The following PIAS2 variants were observed in gnomAD, a reference collection of about 807,000 sequenced individuals.
PIAS2 encodes the protein protein inhibitor of activated STAT 2.
A neutral mutation model predicts 69.7 loss-of-function variants in PIAS2; 19 were observed. The ratio of observed to expected loss-of-function variants is 0.27; its 90% CI spans 0.19 to 0.40. The LOEUF (loss-of-function observed/expected upper bound fraction) is 0.40. Ranked by LOEUF, PIAS2 falls within the 10% of genes least tolerant of loss-of-function variation. The pLI is 1.00. For missense variants in PIAS2, 624 were observed against 757.0 expected (o/e 0.82, Z 2.06); for synonymous variants, 261 against 263.2 (o/e 0.99, Z 0.08).
At chr18:46,885,348 C>G (rs1256795135) in intron 2 of PIAS2, among the ~76,000 whole-genome samples, 1 of 151,856 alleles carries the variant, frequency 6.6e-6, no homozygotes, top group East Asian at 1.9e-4. Flanking sequence ...GAAACCCCGT[C>G]TCTATTAAAA....
intron 3 of PIAS2, among the ~76,000 whole-genome samples, chr18:46,863,413 C>T (rs765378258): frequency 2.6e-5 from 4 of 152,072 alleles, no homozygotes; most frequent in Non-Finnish European, 5.9e-5. Context: ...CAGCCTCGAC[C>T]TCCCAGGCTC....
At chr18:46,849,185 T>C (rs1017676313) in intron 5 of PIAS2, among the ~76,000 whole-genome samples, 1 of 152,194 alleles carries the variant, frequency 6.6e-6, no homozygotes, top group African/African-American at 2.4e-5. Flanking sequence ...GTAACACTCA[T>C]GTAAGAATGA....
intron 2 of PIAS2, among the ~76,000 whole-genome samples, chr18:46,876,058 C>T (rs911377825): frequency 1.3e-5 from 2 of 152,156 alleles, no homozygotes; most frequent in South Asian, 2.1e-4. Flanking sequence ...TAAGCCATTC[C>T]GAGAGCTGAC....
At chr18:46,826,674 T>C (rs1438452617) in intron 11 of PIAS2, 1 of 152,196 alleles carries the variant, frequency 6.6e-6, no homozygotes, top group Non-Finnish European at 1.5e-5. Flanking sequence ...GAGCAATAAA[T>C]GATTGGCACA....
chr18:46,857,083 A>G (rs547844729), intron 3 of PIAS2, among the ~76,000 whole-genome samples: 1 of 152,382 alleles, frequency 6.6e-6, no homozygotes, highest in South Asian at 2.1e-4. Context: ...TGTGCTCAAC[A>G]CATGGGAGCA....
chr18:46,890,630 T>G lies in PIAS2; in HGVS notation c.449A>C (p.Asn150Thr). The G allele has an allele frequency of 6.2e-7, 1 of 1,614,106 alleles. No homozygotes were observed. Among genetic ancestry groups the G allele is most frequent in the South Asian group, 1.1e-5 (1 of 91,080 alleles). ...PPVHPDVQLK[N>T]LPFYDVLDVL... ...ATCAAGGACATCATAAAAGGGCAGA[T>G]TTTTTAACTGCACATCAGGATGGAC... Residue 150 changes from asparagine to threonine, a missense_variant, in exon 2 of 14, where the codon AAT (asparagine) becomes ACT (threonine). By Grantham distance (65) the Asn-to-Thr change is moderately conservative. Around this residue, in one of 3 missense-constraint regions of PIAS2, gnomAD observed 339 missense variants for 408.8 expected, o/e 0.83. Coordinates refer to ENST00000585916, the MANE Select transcript of PIAS2 (RefSeq NM_004671.5).
chr18:46,870,092 C>T (rs2050096280), intron 2 of PIAS2, among the ~76,000 whole-genome samples: 2 of 152,118 alleles, frequency 1.3e-5, no homozygotes, highest in South Asian at 4.1e-4. Flanking sequence ...TCAATGCCTG[C>T]CCCAATGCCC....
chr18:46,857,383 A>G (rs2047998723), intron 3 of PIAS2, among the ~76,000 whole-genome samples: 1 of 152,262 alleles, frequency 6.6e-6, no homozygotes, highest in African/African-American at 2.4e-5. Context: ...TATAAAAAGT[A>G]AGTGCTACAG....
At chr18:46,817,675 A>G (rs2041704574) in intron 12 of PIAS2, 1 of 961,536 alleles carries the variant, frequency 1.0e-6, no homozygotes, top group Non-Finnish European at 1.2e-6. Flanking sequence ...GGAATTCTAG[A>G]TTGTTTACCA....
At chr18:46,917,195 G>C (rs2058064328) in intron 1 of PIAS2, 127 bp downstream of exon 1, 1 of 1,249,146 alleles carries the variant, frequency 8.0e-7, no homozygotes, top group East Asian at 3.7e-5. Context: ...TTCGTCCGCG[G>C]GCCGGGGCTC....
intron 9 of PIAS2, among the ~76,000 whole-genome samples, chr18:46,833,398 GA>G (rs1442933837): frequency 6.6e-6 from 1 of 152,122 alleles, no homozygotes; most frequent in Non-Finnish European, 1.5e-5. Context: ...GGGAGAGATT[GA>G]AAACATACAT....
chr18:46,907,244 C>T (rs938481016), intron 1 of PIAS2, among the ~76,000 whole-genome samples: 5 of 152,138 alleles, frequency 3.3e-5, no homozygotes, highest in Admixed American at 6.6e-5. Context: ...AGACAGATGT[C>T]CCAATATAAA....
intron 1 of PIAS2, among the ~76,000 whole-genome samples, chr18:46,916,304 T>A (rs1174948662): frequency 1.3e-5 from 2 of 151,942 alleles, no homozygotes; most frequent in Non-Finnish European, 2.9e-5. Context: ...GGATTCCTCT[T>A]CCTTATTTGA....
At chr18:46,867,133 G>C (rs2049608847) in intron 2 of PIAS2, among the ~76,000 whole-genome samples, 1 of 151,704 alleles carries the variant, frequency 6.6e-6, no homozygotes, top group South Asian at 2.1e-4. Context: ...AATGTTAGTA[G>C]TCTGTGTCAT....
intron 10 of PIAS2, among the ~76,000 whole-genome samples, chr18:46,828,377 A>G (rs1006191648): frequency 6.6e-6 from 1 of 152,170 alleles, no homozygotes; most frequent in African/African-American, 2.4e-5. Context: ...ATTCAGACAG[A>G]ATGTTCTTAG....
At chr18:46,816,121 AT>A in intron 12 of PIAS2, 1 of 984,696 alleles carries the variant, frequency 1.0e-6, no homozygotes, top group Non-Finnish European at 1.2e-6. Context: ...CTCTTTAATT[AT>A]TTCAAAACAT....
rs2040553142 is a variant in PIAS2 at position 46,803,348 on chromosome 18, A to G, written c.*9085T>C. On this transcript the variant is annotated 3_prime_UTR_variant, in exon 14 of 14. Coordinates refer to ENST00000585916, the MANE Select transcript of PIAS2 (RefSeq NM_004671.5). ...GATACTTACTTTTTTAGGTTGTATC[A>G]GCAGCTTTTAACTCCACTAACCACT... is the stretch of plus-strand genomic sequence containing the variant. 6.6e-6 allele frequency: 1 copy of G among 152,152 alleles called. No individual in the cohort carries two copies. The highest frequency in any genetic ancestry group is 2.4e-5 in the African/African-American group (1 of 41,436). 9.4% of individuals were successfully genotyped at this position (152,152 alleles called of 1,614,324 possible). A position where few individuals can be genotyped will look rare whatever the true frequency, so the allele number is the denominator to read the frequency against.
intron 8 of PIAS2, among the ~76,000 whole-genome samples, chr18:46,843,542 C>A (rs1330431104): frequency 6.6e-6 from 1 of 152,168 alleles, no homozygotes; most frequent in Admixed American, 6.5e-5. Flanking sequence ...TTTTCTCCCA[C>A]AATTAGCTCA....
At chr18:46,817,762 G>T in intron 12 of PIAS2, 1 of 949,770 alleles carries the variant, frequency 1.1e-6, no homozygotes, top group Non-Finnish European at 1.3e-6. Context: ...TTTTTCTCAA[G>T]TACTAACAGT....
Sources: gnomAD v4.1 joint callset for allele counts (sites outside exome capture counted in the v4.1 genomes callset) on GRCh38, gnomAD v4.1.1 for gene constraint, gnomAD v4.1.1 regional missense constraint, MANE v1.5 for transcripts, NCBI Gene and HGNC (gene_info 2026-07-23, HGNC 2026-07-21) for gene names.